Variants in DUS2 observed in about 807,000 individuals in gnomAD.
DUS2 encodes the protein dihydrouridine synthase 2.
A neutral mutation model predicts 71.3 loss-of-function variants in DUS2; 52 were observed. The ratio of observed to expected loss-of-function variants is 0.73; its 90% CI spans 0.58 to 0.92. The LOEUF (loss-of-function observed/expected upper bound fraction) is 0.92, where lower values mean the gene tolerates loss of function less well. Among genes scored for constraint, DUS2 ranks in the 40% least tolerant of loss-of-function variants. The pLI is 0.00. For missense variants in DUS2, 558 were observed against 622.6 expected (o/e 0.90, Z 1.10); for synonymous variants, 204 against 227.8 (o/e 0.90, Z 0.94).
intron 12 of DUS2, among the ~76,000 whole-genome samples, chr16:68,072,185 T>C (rs1195193360): frequency 2.6e-5 from 4 of 152,184 alleles, no homozygotes; most frequent in Non-Finnish European, 5.9e-5. Flanking sequence ...CAAGCTAGGA[T>C]GGTAAGATGC....
intron 8 of DUS2, among the ~76,000 whole-genome samples, chr16:68,064,095 C>CT (rs2033975207): frequency 6.6e-6 from 1 of 152,206 alleles, no homozygotes. Context: ...CAGGCCTATG[C>CT]TTTCCTATCC....
At chr16:68,071,530 A>G (rs1465680601) in intron 12 of DUS2, among the ~76,000 whole-genome samples, 1 of 152,238 alleles carries the variant, frequency 6.6e-6, no homozygotes, top group African/African-American at 2.4e-5. Flanking sequence ...AAGAGGAGCA[A>G]TTGAGAAATT....
intron 3 of DUS2, among the ~76,000 whole-genome samples, chr16:68,047,458 T>C (rs1208879479): frequency 1.3e-5 from 2 of 150,084 alleles, no homozygotes; most frequent in Non-Finnish European, 3.0e-5. Flanking sequence ...AACAAAGTTT[T>C]TGTTGTTGTT....
At position 68,066,735 on chromosome 16, in the gene DUS2, C is replaced by T. The variant is rs2034010541; in HGVS notation, c.554+99C>T. The T allele has an allele frequency of 3.3e-6, 4 of 1,226,830 alleles. No individual in the cohort carries two copies. The South Asian group carries it at 3.7e-5, about 11-fold the overall frequency. 76.0% of individuals were successfully genotyped at this position (1,226,830 alleles called of 1,614,324 possible). ...TCACCCCAAGTGACAGCCAATTTCT[C>T]TTCTACATATTCAGCCTACCTCTGC... On this transcript the variant is annotated intron_variant, in intron 10 of 16. Transcript: ENST00000565263.
At chr16:68,044,702 C>T (rs965290002) in intron 3 of DUS2, among the ~76,000 whole-genome samples, 2 of 151,694 alleles carry the variant, frequency 1.3e-5, no homozygotes, top group Non-Finnish European at 2.9e-5. Context: ...CGGGTCAGGT[C>T]TTCTTTAATT....
chr16:68,063,998 G>T (rs780622169), intron 8 of DUS2, among the ~76,000 whole-genome samples: 1 of 152,198 alleles, frequency 6.6e-6, no homozygotes, highest in African/African-American at 2.4e-5. Context: ...ACAGGTGTGC[G>T]CAGGGCATCC....
chr16:68,063,397 A>G (rs2033966320), intron 8 of DUS2, among the ~76,000 whole-genome samples: 1 of 152,206 alleles, frequency 6.6e-6, no homozygotes, highest in Non-Finnish European at 1.5e-5. Context: ...GAGTATCTCA[A>G]GACCACCTCT....
chr16:68,046,434 AG>A (rs2033702517), intron 3 of DUS2, among the ~76,000 whole-genome samples: 1 of 151,062 alleles, frequency 6.6e-6, no homozygotes, highest in Admixed American at 6.6e-5. Context: ...GCTAGAGTGC[AG>A]TGGCACGATC....
intron 12 of DUS2, among the ~76,000 whole-genome samples, chr16:68,072,352 A>T (rs2034099243): frequency 6.6e-6 from 1 of 152,208 alleles, no homozygotes; most frequent in African/African-American, 2.4e-5. Context: ...GGCTTGCCCC[A>T]GCCCAGGTCA....
intron 1 of DUS2, chr16:68,023,591 T>C (rs2151404705): frequency 4.5e-6 from 1 of 220,710 alleles, no homozygotes; most frequent in Non-Finnish European, 9.9e-6. Flanking sequence ...TGCAGCTGTT[T>C]TCCCAGATGT....
At chr16:68,057,245 T>G (rs139530440) in intron 7 of DUS2, among the ~76,000 whole-genome samples, 73 of 143,406 alleles carry the variant, frequency 5.1e-4, no homozygotes, top group African/African-American at 1.2e-3. Context: ...CATATATATA[T>G]ATAGAGAGAG....
chr16:68,074,736 A>C (rs1172886631), intron 13 of DUS2, among the ~76,000 whole-genome samples: 1 of 152,230 alleles, frequency 6.6e-6, no homozygotes, highest in African/African-American at 2.4e-5. Context: ...TCCCTCTTAC[A>C]TAGATGCCTT....
chr16:68,060,551 T>C (rs549731688), intron 7 of DUS2, among the ~76,000 whole-genome samples: 6 of 152,302 alleles, frequency 3.9e-5, no homozygotes, highest in Non-Finnish European at 5.9e-5. Flanking sequence ...TGACCTCAGG[T>C]AATCCACCTG....
chr16:68,050,379 G>A (rs147686770), intron 4 of DUS2, among the ~76,000 whole-genome samples: 197 of 152,164 alleles, frequency 1.3e-3, no homozygotes, highest in Admixed American at 3.3e-3. Context: ...CTCGTGATCC[G>A]CCTGCCTTGG....
intron 10 of DUS2, among the ~76,000 whole-genome samples, chr16:68,069,595 G>A (rs892006366): frequency 2.0e-5 from 3 of 152,176 alleles, no homozygotes; most frequent in South Asian, 2.1e-4. Context: ...CCCTTGTGCC[G>A]TGGTGTGGCA....
At chr16:68,029,740 C>A (rs2033410705) in intron 2 of DUS2, among the ~76,000 whole-genome samples, 1 of 152,002 alleles carries the variant, frequency 6.6e-6, no homozygotes, top group Non-Finnish European at 1.5e-5. Flanking sequence ...AGCCACTGGA[C>A]CCAGCCACAT....
chr16:68,071,739 G>A (rs571249117), intron 12 of DUS2, among the ~76,000 whole-genome samples: 1 of 150,798 alleles, frequency 6.6e-6, no homozygotes, highest in South Asian at 2.1e-4. Context: ...CTGGGCTCAA[G>A]TGATCCTCCT....
At chr16:68,061,161 A>G in intron 8 of DUS2, 48 bp downstream of exon 8, 1 of 1,586,780 alleles carries the variant, frequency 6.3e-7, no homozygotes. Flanking sequence ...ACAGCTCCAA[A>G]CTAGAATTGT....
rs201768204 is a variant in DUS2, at chr16:68,074,047, A to G, written c.824A>G (p.Asp275Gly). The change falls in exon 13 of 17, where the codon GAC becomes GGC. Residue 275 changes from aspartate (D) to glycine (G), a missense_variant. Asp to Gly is a moderately conservative substitution (Grantham distance 94, BLOSUM62 -1). Coordinates refer to ENST00000565263, the MANE Select transcript of DUS2 (RefSeq NM_017803.5). ...TTCTTTTCTCAGGCGGTGCAGTATG[A>G]CAACCACTACACCAACACCAAGTAC... The part of the protein sequence containing the change: ...QKYIRYAVQY[D>G]NHYTNTKYCL... 6.8e-6 allele frequency: 11 copies of G among 1,614,146 alleles called. No individual in the cohort carries two copies. The East Asian group carries it at 2.2e-4, about 33-fold the overall frequency.
Sources: allele counts gnomAD v4.1 joint callset (sites outside exome capture counted in the v4.1 genomes callset), GRCh38; gene constraint gnomAD v4.1.1; transcripts MANE v1.5; gene names NCBI Gene and HGNC (gene_info 2026-07-23, HGNC 2026-07-21).